DGCR6L: variants seen among roughly 807,000 people sequenced by gnomAD.
The protein encoded by DGCR6L is DiGeorge syndrome critical region gene 6 like, also known as protein DGCR6L.
A neutral mutation model predicts 31.1 loss-of-function variants in DGCR6L; 24 were observed. The ratio of observed to expected loss-of-function variants is 0.77; its 90% CI spans 0.56 to 1.08. DGCR6L has a LOEUF of 1.08. DGCR6L is among the 50% of genes least tolerant of loss of function. The probability of loss-of-function intolerance (pLI) is 0.00; values close to 1 mark genes in which losing one functional copy is unlikely to be tolerated. For missense variants in DGCR6L, 218 were observed against 287.1 expected (o/e 0.76, Z 1.74); for synonymous variants, 104 against 126.1 (o/e 0.82, Z 1.17).
chr22:20,316,309 C>T, intron 2 of DGCR6L, 90 bp from the exon 3 acceptor site: 1 of 1,516,578 alleles, frequency 6.6e-7, no homozygotes. Context: ...AGCAGAGCAG[C>T]CAGGCCAAAG....
At chr22:20,317,333 G>C (rs1387945230) in intron 2 of DGCR6L, among the ~76,000 whole-genome samples, 1 of 152,262 alleles carries the variant, frequency 6.6e-6, no homozygotes, top group Non-Finnish European at 1.5e-5. Context: ...ATCAAACATT[G>C]CTACAAGTGC....
At chr22:20,319,827 C>G in intron 1 of DGCR6L, 28 bp from the exon 2 acceptor site, 1 of 1,599,232 alleles carries the variant, frequency 6.3e-7, no homozygotes, top group Non-Finnish European at 8.5e-7. Flanking sequence ...CGGTGAGCCC[C>G]GGCGGGAAAC....
Position 20,314,626 on chromosome 22 carries a change from G to A in DGCR6L, c.*49C>T. The A allele has an allele frequency of 6.5e-7, 1 of 1,531,194 alleles. No individual in the cohort carries two copies. Among genetic ancestry groups the A allele is most frequent in the Non-Finnish European group, 8.8e-7 (1 of 1,136,270 alleles). 94.9% of individuals were successfully genotyped at this position (1,531,194 alleles called of 1,614,324 possible). ...CCCTGCGGGCAGCTGGGAAGGCAGT[G>A]GCCAAAGGTCAAGAAGATGAACTCT... On this transcript the variant is annotated 3_prime_UTR_variant, in exon 5 of 5. Transcript: ENST00000248879.
chr22:20,314,936 G>C, intron 4 of DGCR6L, 112 bp from the exon 5 acceptor site: 3 of 1,563,366 alleles, frequency 1.9e-6, no homozygotes, highest in Non-Finnish European at 2.6e-6. Context: ...GTGAAGCCTG[G>C]TCATGGCCTG....
chr22:20,317,254 C>T (rs1414687933), intron 2 of DGCR6L, among the ~76,000 whole-genome samples: 1 of 152,190 alleles, frequency 6.6e-6, no homozygotes, highest in African/African-American at 2.4e-5. Context: ...TGGTATTTAC[C>T]AAAAGCCCCC....
intron 2 of DGCR6L, among the ~76,000 whole-genome samples, chr22:20,319,102 T>C (rs2146019074): frequency 6.6e-6 from 1 of 152,270 alleles, no homozygotes; most frequent in South Asian, 2.1e-4. Context: ...CCTATATAAT[T>C]TGCAGGAAAG....
Position 20,319,869 on chromosome 22 carries a change from G to T in DGCR6L, c.110+10C>A, listed in dbSNP as rs747765053. ...GCCTCCGCAGGCCTCCGCCCGCCCC[G>T]CCTGCGTACCTGGGCAACTCCTTCA... On this transcript the variant is annotated intron_variant, in intron 1 of 4. Transcript: ENST00000248879. The T allele has an allele frequency of 2.0e-5, 32 of 1,606,996 alleles. No individual in the cohort carries two copies. The Middle Eastern group carries it at 9.9e-4, about 50-fold the overall frequency.
At chr22:20,317,963 C>T (rs1234650339) in intron 2 of DGCR6L, among the ~76,000 whole-genome samples, 1 of 152,170 alleles carries the variant, frequency 6.6e-6, no homozygotes, top group Non-Finnish European at 1.5e-5. Context: ...CGAAACTCAT[C>T]CTATAAGGCT....
rs1466970300 is a variant in DGCR6L at position 20,320,033 on chromosome 22, C to G, written c.-45G>C. The G allele has an allele frequency of 1.3e-6, 2 of 1,493,364 alleles. No homozygotes were observed. The highest frequency in any genetic ancestry group is 2.5e-5 in the East Asian group (1 of 40,238). 92.5% of individuals were successfully genotyped at this position (1,493,364 alleles called of 1,614,324 possible). A position where few individuals can be genotyped will look rare whatever the true frequency, so the allele number is the denominator to read the frequency against. On this transcript the variant is annotated 5_prime_UTR_variant, in exon 1 of 5. Coordinates refer to ENST00000248879, the MANE Select transcript of DGCR6L (RefSeq NM_033257.4). ...CGCCGGCGGCGGCGACGAGCTCCCC[C>G]AGCTTCACGACATCCCGAGCGCGGC...
chr22:20,320,044 C>T lies in DGCR6L; in HGVS notation c.-56G>A. On this transcript the variant is annotated 5_prime_UTR_variant, in exon 1 of 5. It removes an upstream start codon present in the reference 5' UTR. Coordinates refer to ENST00000248879, the MANE Select transcript of DGCR6L (RefSeq NM_033257.4). ...GCGACGAGCTCCCCCAGCTTCACGA[C>T]ATCCCGAGCGCGGCGCGTCCCGCCC... 6.8e-7 allele frequency: 1 copy of T among 1,472,356 alleles called. No homozygotes were observed. Among genetic ancestry groups the T allele is most frequent in the East Asian group, 2.5e-5 (1 of 39,516 alleles). The allele number at this position is 1,472,356 out of a possible 1,614,324, so 91.2% of individuals were successfully genotyped here.
At position 20,320,001 on chromosome 22, in the gene DGCR6L, C is replaced by T. The variant is rs746696851; in HGVS notation, c.-13G>A. ...CGTAGCGCTCCATGGCGCGGACGCC[C>T]GCTAGCCGCCGGCGGCGGCGACGAG... On this transcript the variant is annotated 5_prime_UTR_variant, in exon 1 of 5. Transcript: ENST00000248879. The T allele has an allele frequency of 6.5e-7, 1 of 1,540,756 alleles. No homozygotes were observed. The highest frequency in any genetic ancestry group is 8.7e-7 in the Non-Finnish European group (1 of 1,149,624).
chr22:20,315,180 G>T, intron 4 of DGCR6L, 156 bp downstream of exon 4: 11 of 1,510,486 alleles, frequency 7.3e-6, no homozygotes, highest in Non-Finnish European at 9.8e-6. Flanking sequence ...CCTGGCCTCC[G>T]TGCTGGGAAT....
chr22:20,318,897 T>C (rs2146018984), intron 2 of DGCR6L: 1 of 152,314 alleles, frequency 6.6e-6, no homozygotes, highest in South Asian at 2.1e-4. Flanking sequence ...AGACTCTTGG[T>C]GAATGCTATG....
In DGCR6L at chr22:20,315,457, C is replaced by G. The variant is rs753688164; in HGVS notation, c.392G>C (p.Arg131Pro). 2 of 1,613,522 alleles carry G rather than the reference C, an allele frequency of 1.2e-6. No homozygotes were observed. The highest frequency in any genetic ancestry group is 8.5e-7 in the Non-Finnish European group (1 of 1,179,976). ...RELEAVEHRIREEQRAMDQKI... is the reference protein window; with the variant it reads ...RELEAVEHRIPEEQRAMDQKI... ...CTGGTCCATCGCCCGCTGCTCCTCA[C>G]GGATCCGGTGTTCCACGGCCTGCCA... The change falls in exon 4 of 5, where the codon CGT becomes CCT. Residue 131 changes from arginine (R) to proline (P), a missense_variant. By Grantham distance (103) the Arg-to-Pro change is moderately radical. Around this residue, in one of 4 missense-constraint regions of DGCR6L, gnomAD observed 78 missense variants for 90.0 expected, o/e 0.87. Transcript: ENST00000248879.
At chr22:20,317,838 A>G (rs1376955414) in intron 2 of DGCR6L, among the ~76,000 whole-genome samples, 1 of 152,246 alleles carries the variant, frequency 6.6e-6, no homozygotes, top group South Asian at 2.1e-4. Flanking sequence ...TAAACTACAT[A>G]CATCTTACAG....
chr22:20,315,636 C>T (rs1237868734), intron 3 of DGCR6L, among the ~76,000 whole-genome samples, 160 bp from the exon 4 acceptor site: 4 of 152,220 alleles, frequency 2.6e-5, no homozygotes, highest in Non-Finnish European at 4.4e-5. Flanking sequence ...GGCCTCTCCT[C>T]GGCCATGTGA....
Position 20,319,935 on chromosome 22 carries a change from C to T in DGCR6L, c.54G>A (p.Gln18=). Residue 18 remains glutamine, a synonymous_variant, in exon 1 of 5, where the codon CAG becomes CAA. Transcript: ENST00000248879. ...LEEVADGARQ[Q]ERHYQLLSAL... ...CCGACAGCAACTGGTAGTGTCGCTC[C>T]TGCTGCCGGGCACCGTCCGCCACCT... 6.2e-7 allele frequency: 1 copy of T among 1,609,936 alleles called. No individual in the cohort carries two copies.
chr22:20,318,281 G>C (rs1207809829), intron 2 of DGCR6L: 1 of 152,424 alleles, frequency 6.6e-6, no homozygotes, highest in Non-Finnish European at 1.5e-5. Context: ...CTGGGGAAGG[G>C]GGCCTTGCAC....
intron 3 of DGCR6L, among the ~76,000 whole-genome samples, chr22:20,315,844 C>G (rs2051567142): frequency 1.3e-5 from 2 of 152,186 alleles, no homozygotes; most frequent in African/African-American, 4.8e-5. Flanking sequence ...TTTGTACCCC[C>G]CTGAGGCCAC....
Sources: gnomAD v4.1 joint callset for allele counts (sites outside exome capture counted in the v4.1 genomes callset) on GRCh38, gnomAD v4.1.1 for gene constraint, gnomAD v4.1.1 regional missense constraint, MANE v1.5 for transcripts, NCBI Gene and HGNC (gene_info 2026-07-23, HGNC 2026-07-21) for gene names.